PGCKA1: variants seen among roughly 807,000 people sequenced by gnomAD.
PGCKA1 encodes the protein PDCD10 and GCKIII kinases-associated protein 1.
At chr4:37,476,288 G>A in the PGCKA1 span, among the ~76,000 whole-genome samples, 1 of 152,096 alleles carries the variant, frequency 6.6e-6, no homozygotes, top group African/African-American at 2.4e-5. Context: ...CTTACCCAAA[G>A]CAGTGAAGCA....
chr4:37,548,013 GAA>G, the PGCKA1 span, among the ~76,000 whole-genome samples: 1 of 116,358 alleles, frequency 8.6e-6, no homozygotes, highest in Non-Finnish European at 1.9e-5. Context: ...AAAAAAAAAG[GAA>G]AAAAAAAGGG....
the PGCKA1 span, among the ~76,000 whole-genome samples, chr4:37,472,117 T>C: frequency 5.3e-5 from 8 of 152,338 alleles, no homozygotes; most frequent in African/African-American, 1.9e-4. Context: ...AGCTGCATAC[T>C]GCGTGTGCCC....
the PGCKA1 span, among the ~76,000 whole-genome samples, chr4:37,498,025 T>A: frequency 6.6e-6 from 1 of 152,088 alleles, no homozygotes; most frequent in Non-Finnish European, 1.5e-5. Context: ...TGTTCTAGAA[T>A]TTTTATAGTT....
the PGCKA1 span, among the ~76,000 whole-genome samples, chr4:37,549,116 C>G: frequency 6.6e-6 from 1 of 152,236 alleles, no homozygotes; most frequent in Non-Finnish European, 1.5e-5. Context: ...CACTTCGTGT[C>G]TCTCACCACA....
At chr4:37,587,363 T>C in the PGCKA1 span, among the ~76,000 whole-genome samples, 6 of 152,136 alleles carry the variant, frequency 3.9e-5, no homozygotes, top group African/African-American at 1.4e-4. Flanking sequence ...GGGATTAGGA[T>C]GTGGATATCT....
chr4:37,538,638 T>C, the PGCKA1 span, among the ~76,000 whole-genome samples: 1 of 152,218 alleles, frequency 6.6e-6, no homozygotes, highest in Non-Finnish European at 1.5e-5. Context: ...TAATAATTGC[T>C]GAACAGACTT....
the PGCKA1 span, among the ~76,000 whole-genome samples, chr4:37,518,987 G>A: frequency 6.6e-6 from 1 of 152,126 alleles, no homozygotes; most frequent in Non-Finnish European, 1.5e-5. Context: ...TTCTGTATAT[G>A]GATATCCAGT....
At chr4:37,539,942 A>G in the PGCKA1 span, among the ~76,000 whole-genome samples, 1 of 152,214 alleles carries the variant, frequency 6.6e-6, no homozygotes, top group African/African-American at 2.4e-5. Flanking sequence ...TTATCATAAG[A>G]ACATTCAAAA....
the PGCKA1 span, among the ~76,000 whole-genome samples, chr4:37,504,295 A>G: frequency 4.6e-5 from 7 of 152,236 alleles, no homozygotes; most frequent in Non-Finnish European, 1.0e-4. Context: ...TATGTGTCTC[A>G]TTTTATGCCA....
the PGCKA1 span, among the ~76,000 whole-genome samples, chr4:37,547,667 C>T: frequency 1.3e-5 from 2 of 152,110 alleles, 1 homozygote; most frequent in South Asian, 4.1e-4. Flanking sequence ...AGTTTCCACA[C>T]ATAGACAATT....
the PGCKA1 span, among the ~76,000 whole-genome samples, chr4:37,513,942 A>G: frequency 6.6e-6 from 1 of 152,232 alleles, no homozygotes; most frequent in Non-Finnish European, 1.5e-5. Flanking sequence ...AACACATCCT[A>G]GTAAACAGAA....
At chr4:37,500,962 C>T in the PGCKA1 span, among the ~76,000 whole-genome samples, 1 of 152,016 alleles carries the variant, frequency 6.6e-6, no homozygotes, top group Non-Finnish European at 1.5e-5. Context: ...TTTTCATTTG[C>T]TTGGTAGATT....
At chr4:37,470,412 A>G in the PGCKA1 span, among the ~76,000 whole-genome samples, 1 of 134,438 alleles carries the variant, frequency 7.4e-6, no homozygotes, top group Admixed American at 8.2e-5. Context: ...TGAAGTTTCT[A>G]TTTTCATTTG....
At chr4:37,454,211 G>T in the PGCKA1 span, among the ~76,000 whole-genome samples, 2,063 of 152,084 alleles carry the variant, frequency 0.014, 49 homozygotes, top group African/African-American at 0.047. Flanking sequence ...AAAGTTTGAT[G>T]ACTTCGGGAA....
chr4:37,455,524 G>A, the PGCKA1 span, among the ~76,000 whole-genome samples: 1 of 152,126 alleles, frequency 6.6e-6, no homozygotes, highest in African/African-American at 2.4e-5. Flanking sequence ...ATCCTGCTCC[G>A]TGCATTTATT....
the PGCKA1 span, among the ~76,000 whole-genome samples, chr4:37,510,941 C>T: frequency 6.6e-6 from 1 of 151,788 alleles, no homozygotes; most frequent in Non-Finnish European, 1.5e-5. Context: ...TCCCCTTCTT[C>T]CCTCCCCTTT....
the PGCKA1 span, chr4:37,591,804 A>T: frequency 6.6e-6 from 1 of 152,222 alleles, no homozygotes; most frequent in Non-Finnish European, 1.5e-5. Context: ...TAAATGTCTG[A>T]TTCCAATTAA....
chr4:37,582,819 T>TG, the PGCKA1 span, among the ~76,000 whole-genome samples: 28 of 150,278 alleles, frequency 1.9e-4, no homozygotes, highest in East Asian at 5.8e-4. Flanking sequence ...CTTAATCATA[T>TG]GGGGGGGAGC....
the PGCKA1 span, among the ~76,000 whole-genome samples, chr4:37,499,493 G>A: frequency 6.6e-6 from 1 of 152,064 alleles, no homozygotes; most frequent in Admixed American, 6.5e-5. Context: ...GGAGCTCATT[G>A]GCCTTTTAAG....
Sources: allele counts gnomAD v4.1 joint callset (sites outside exome capture counted in the v4.1 genomes callset), GRCh38; gene constraint gnomAD v4.1.1; transcripts MANE v1.5; gene names NCBI Gene and HGNC (gene_info 2026-07-23, HGNC 2026-07-21).